UBE3C: variants seen among roughly 807,000 people sequenced by gnomAD.
UBE3C encodes the protein ubiquitin protein ligase E3C.
In UBE3C, 42 loss-of-function variants were observed where a neutral mutation model predicts 129.4. The ratio of observed to expected loss-of-function variants is 0.32; its 90% confidence interval spans 0.25 to 0.42. The LOEUF (loss-of-function observed/expected upper bound fraction) is 0.42, where lower values mean the gene tolerates loss of function less well. UBE3C is among the 10% of genes least tolerant of loss of function. UBE3C has a pLI of 1.00. For synonymous variants in UBE3C, 510 were observed against 492.4 expected, an observed-to-expected ratio of 1.04 and a Z score of -0.47; for missense variants, 1,049 against 1,319.1, an observed-to-expected ratio of 0.80 and a Z score of 3.17.
intron 16 of UBE3C, among the ~76,000 whole-genome samples, chr7:157,224,160 C>T (rs546882520): frequency 6.6e-6 from 1 of 151,516 alleles, no homozygotes; most frequent in East Asian, 1.9e-4. Flanking sequence ...AGGCATCAGC[C>T]ACTACACCTG....
intron 22 of UBE3C, among the ~76,000 whole-genome samples, chr7:157,260,789 C>G (rs899627568): frequency 6.6e-6 from 1 of 152,112 alleles, no homozygotes; most frequent in African/African-American, 2.4e-5. Flanking sequence ...TTAGATAATG[C>G]TAATCATGTG....
intron 5 of UBE3C, among the ~76,000 whole-genome samples, chr7:157,177,324 A>C (rs1364357295): frequency 6.6e-6 from 1 of 152,130 alleles, no homozygotes; most frequent in Non-Finnish European, 1.5e-5. Flanking sequence ...CAAATCTTTT[A>C]CTTCATTTTT....
intron 1 of UBE3C, among the ~76,000 whole-genome samples, chr7:157,139,594 G>C (rs1205339264): frequency 1.3e-5 from 2 of 152,212 alleles, no homozygotes; most frequent in Non-Finnish European, 2.9e-5. Flanking sequence ...GGGCCTCCCT[G>C]GCTGGAACTC....
At chr7:157,216,609 C>T (rs1795580853) in intron 13 of UBE3C, among the ~76,000 whole-genome samples, 1 of 151,716 alleles carries the variant, frequency 6.6e-6, no homozygotes, top group Admixed American at 6.6e-5. Context: ...AAAGCTTAAT[C>T]GCCACCTCCG....
At chr7:157,187,074 T>C in intron 10 of UBE3C, 53 bp downstream of exon 10, 1 of 1,517,290 alleles carries the variant, frequency 6.6e-7, no homozygotes, top group Admixed American at 2.1e-5. Context: ...GAACATACCT[T>C]CCTCCCTGGG....
intron 19 of UBE3C, among the ~76,000 whole-genome samples, chr7:157,250,403 T>C (rs1796593159): frequency 6.6e-6 from 1 of 152,120 alleles, no homozygotes; most frequent in Non-Finnish European, 1.5e-5. Context: ...CCCAGGTTGA[T>C]CTCAAATTCC....
chr7:157,262,409 C>T (rs373038546), intron 22 of UBE3C, among the ~76,000 whole-genome samples: 159 of 54,004 alleles, frequency 2.9e-3, no homozygotes, highest in South Asian at 5.2e-3. Flanking sequence ...TCTTCATAGG[C>T]TTTTTTTTTT....
intron 22 of UBE3C, among the ~76,000 whole-genome samples, chr7:157,267,184 G>A (rs1584836667): frequency 6.6e-6 from 1 of 151,654 alleles, no homozygotes; most frequent in African/African-American, 2.4e-5. Flanking sequence ...AGCACTTTGG[G>A]AGGCAGAGGT....
intron 7 of UBE3C, among the ~76,000 whole-genome samples, 191 bp from the exon 8 acceptor site, chr7:157,181,917 G>A (rs1808675866): frequency 6.6e-6 from 1 of 152,082 alleles, no homozygotes; most frequent in African/African-American, 2.4e-5. Flanking sequence ...ACGAAAACAT[G>A]GTAGTTATCT....
At chr7:157,266,447 G>A (rs1002994451) in intron 22 of UBE3C, among the ~76,000 whole-genome samples, 8 of 152,064 alleles carry the variant, frequency 5.3e-5, no homozygotes, top group Admixed American at 2.6e-4. Context: ...AGGTAATGTC[G>A]TATGCTTCCC....
At chr7:157,159,034 T>C (rs1025204060) in intron 1 of UBE3C, among the ~76,000 whole-genome samples, 4 of 152,232 alleles carry the variant, frequency 2.6e-5, no homozygotes, top group Non-Finnish European at 5.9e-5. Flanking sequence ...TAATCACTCC[T>C]GTGAAAGGCG....
chr7:157,221,828 A>G (rs1316244895), intron 15 of UBE3C: 1 of 151,918 alleles, frequency 6.6e-6, no homozygotes, highest in African/African-American at 2.4e-5. Context: ...AATGATATTC[A>G]GCATCTTTTT....
chr7:157,207,697 T>G lies in UBE3C; in HGVS notation c.1577-6T>G. On this transcript the variant is annotated splice_polypyrimidine_tract_variant and splice_region_variant and intron_variant, in intron 12 of 22. Coordinates refer to ENST00000348165, the MANE Select transcript of UBE3C (RefSeq NM_014671.3). Reference sequence around the variant, plus strand: ...AAACAATAGAAAACTGGATTGTGTTTTTTAGTTGTAGGTCAAAGACAATCA... The same window carrying G: ...AAACAATAGAAAACTGGATTGTGTTGTTTAGTTGTAGGTCAAAGACAATCA... 2 of 1,609,052 alleles carry G rather than the reference T, an allele frequency of 1.2e-6. No homozygotes were observed. Among genetic ancestry groups the G allele is most frequent in the Non-Finnish European group, 1.7e-6 (2 of 1,178,590 alleles).
chr7:157,174,150 G>A (rs1252555893), intron 4 of UBE3C, among the ~76,000 whole-genome samples: 3 of 152,108 alleles, frequency 2.0e-5, no homozygotes, highest in Admixed American at 6.6e-5. Flanking sequence ...ATCACTCGAG[G>A]CCAGGAGTTC....
Position 157,182,140 on chromosome 7 carries a change from T to G in UBE3C, c.803T>G (p.Phe268Cys). 1.3e-6 allele frequency: 2 copies of G among 1,595,896 alleles called. No homozygotes were observed. The highest frequency in any genetic ancestry group is 1.7e-6 in the Non-Finnish European group (2 of 1,174,660). ...QQVFTAFTEE[F>C]LAAPFTDQIF... ...GTTTTTACAGCCTTCACAGAGGAGT[T>G]TCTGGCAGCACCTTTTACAGATCAG... Residue 268 changes from phenylalanine (F) to cysteine (C), a missense_variant, in exon 8 of 23, where the codon TTT (phenylalanine) becomes TGT (cysteine). By Grantham distance (205) the Phe-to-Cys change is radical (BLOSUM62 -2). Coordinates refer to ENST00000348165, the MANE Select transcript of UBE3C (RefSeq NM_014671.3).
chr7:157,219,241 G>T (rs936253315), intron 14 of UBE3C, among the ~76,000 whole-genome samples: 20 of 152,184 alleles, frequency 1.3e-4, no homozygotes, highest in African/African-American at 4.8e-4. Context: ...ACTCCAGAAA[G>T]TTGTGCGATG....
At chr7:157,204,915 G>A (rs1156894031) in intron 11 of UBE3C, among the ~76,000 whole-genome samples, 1 of 152,194 alleles carries the variant, frequency 6.6e-6, no homozygotes, top group Non-Finnish European at 1.5e-5. Flanking sequence ...GACATTGGAC[G>A]AGGAGGAGGA....
At chr7:157,233,460 C>T (rs1030916319) in intron 18 of UBE3C, among the ~76,000 whole-genome samples, 1 of 152,036 alleles carries the variant, frequency 6.6e-6, no homozygotes, top group Non-Finnish European at 1.5e-5. Context: ...TTCATTTTAT[C>T]GTAGAGGCAG....
At chr7:157,209,678 GT>G (rs1157261993) in intron 13 of UBE3C, among the ~76,000 whole-genome samples, 3 of 152,160 alleles carry the variant, frequency 2.0e-5, no homozygotes, top group Non-Finnish European at 2.9e-5. Context: ...TAATTTCACT[GT>G]TTTATGGCAT....
Sources: allele counts gnomAD v4.1 joint callset (sites outside exome capture counted in the v4.1 genomes callset), GRCh38; gene constraint gnomAD v4.1.1; transcripts MANE v1.5; gene names NCBI Gene and HGNC (gene_info 2026-07-23, HGNC 2026-07-21).